Variants in TAF4B observed in about 807,000 individuals in gnomAD.
The protein encoded by TAF4B is transcription initiation factor TFIID subunit 4B.
In TAF4B, 38 loss-of-function variants were observed where a neutral mutation model predicts 86.4. The ratio of observed to expected loss-of-function variants is 0.44; its 90% CI spans 0.34 to 0.58. The LOEUF is 0.58. TAF4B is among the 20% of genes least tolerant of loss of function. The probability of loss-of-function intolerance (pLI) is 0.02; values close to 1 mark genes in which losing one functional copy is unlikely to be tolerated. For missense variants in TAF4B, 988 were observed against 1,027.6 expected (o/e 0.96, Z 0.53); for synonymous variants, 388 against 391.2 (o/e 0.99, Z 0.10).
intron 5 of TAF4B, among the ~76,000 whole-genome samples, chr18:26,279,405 G>A (rs1006373342): frequency 1.3e-5 from 2 of 151,970 alleles, no homozygotes; most frequent in African/African-American, 4.8e-5. Context: ...CATTAAAATA[G>A]CCATACTGCC....
chr18:26,275,114 G>T, intron 5 of TAF4B, 61 bp downstream of exon 5: 1 of 1,465,798 alleles, frequency 6.8e-7, no homozygotes. Context: ...GTTGTAATTG[G>T]GAAATGCATA....
chr18:26,242,806 T>C (rs376964141), intron 1 of TAF4B, among the ~76,000 whole-genome samples: 3,035 of 152,248 alleles, frequency 0.02, 41 homozygotes, highest in Non-Finnish European at 0.029. Flanking sequence ...TCAGCATTTG[T>C]TTGTCTGTAA....
chr18:26,232,177 T>C (rs2055681925), intron 1 of TAF4B, among the ~76,000 whole-genome samples: 1 of 152,192 alleles, frequency 6.6e-6, no homozygotes, highest in African/African-American at 2.4e-5. Flanking sequence ...TCTCCAAGTC[T>C]GCAGTCAACC....
At chr18:26,235,027 T>TATAC (rs1304280803) in intron 1 of TAF4B, among the ~76,000 whole-genome samples, 4 of 152,334 alleles carry the variant, frequency 2.6e-5, no homozygotes, top group Admixed American at 1.3e-4. Context: ...TACTTAGGTA[T>TATAC]GCCACTGGTT....
At chr18:26,256,005 T>C in intron 1 of TAF4B, 1 of 1,284,382 alleles carries the variant, frequency 7.8e-7, no homozygotes, top group Non-Finnish European at 1.1e-6. Flanking sequence ...GCATCAGAAT[T>C]ACGATGTTTA....
At chr18:26,309,688 T>G (rs1296394761) in intron 9 of TAF4B, among the ~76,000 whole-genome samples, 2 of 152,178 alleles carry the variant, frequency 1.3e-5, no homozygotes, top group African/African-American at 4.8e-5. Flanking sequence ...AATTTTTAGT[T>G]TCTGATGCAG....
At chr18:26,252,605 C>A (rs765907110) in intron 1 of TAF4B, among the ~76,000 whole-genome samples, 12 of 151,960 alleles carry the variant, frequency 7.9e-5, no homozygotes, top group Non-Finnish European at 1.5e-4. Context: ...GTGAATCATT[C>A]CTTTGTCCAG....
At chr18:26,292,475 T>C (rs1180047280) in intron 8 of TAF4B, 94 bp downstream of exon 8, 16 of 1,366,716 alleles carry the variant, frequency 1.2e-5, no homozygotes, top group Non-Finnish European at 1.6e-5. Flanking sequence ...AGAAGAGAGG[T>C]TTGGTCTTTT....
intron 14 of TAF4B, among the ~76,000 whole-genome samples, chr18:26,385,571 TC>T (rs1479958407): frequency 3.3e-5 from 5 of 151,728 alleles, no homozygotes; most frequent in African/African-American, 1.2e-4. Context: ...TTCATTTTCA[TC>T]CAGGTGAAGA....
intron 13 of TAF4B, among the ~76,000 whole-genome samples, chr18:26,342,938 A>G (rs187562535): frequency 2.6e-5 from 4 of 152,358 alleles, no homozygotes; most frequent in African/African-American, 9.6e-5. Flanking sequence ...AACAGAAACC[A>G]ATTGTCAGAA....
At chr18:26,329,442 T>A (rs2057034208) in intron 12 of TAF4B, among the ~76,000 whole-genome samples, 2 of 152,238 alleles carry the variant, frequency 1.3e-5, no homozygotes, top group African/African-American at 4.8e-5. Flanking sequence ...AACACTATCA[T>A]CTAATGCACA....
At chr18:26,271,902 G>C (rs1369985174) in intron 3 of TAF4B, among the ~76,000 whole-genome samples, 2 of 149,762 alleles carry the variant, frequency 1.3e-5, no homozygotes, top group Non-Finnish European at 3.0e-5. Flanking sequence ...ACTCCAGCCT[G>C]GTGGACAGAG....
intron 3 of TAF4B, among the ~76,000 whole-genome samples, chr18:26,272,476 T>A (rs1598745350): frequency 6.6e-6 from 1 of 152,110 alleles, no homozygotes; most frequent in Non-Finnish European, 1.5e-5. Flanking sequence ...AGGACAGATT[T>A]TTTTTTTACT....
intron 14 of TAF4B, among the ~76,000 whole-genome samples, chr18:26,372,142 A>G (rs1458260688): frequency 6.6e-6 from 1 of 152,196 alleles, no homozygotes; most frequent in African/African-American, 2.4e-5. Flanking sequence ...AGCGACTAAC[A>G]GTTCCCACAT....
intron 14 of TAF4B, among the ~76,000 whole-genome samples, chr18:26,359,998 G>A (rs1159660144): frequency 2.0e-5 from 3 of 151,986 alleles, no homozygotes; most frequent in South Asian, 2.1e-4. Flanking sequence ...GATTGCAGGT[G>A]TAAGCCACCT....
At position 26,227,213 on chromosome 18, in the gene TAF4B, G is replaced by A; in HGVS notation, c.280G>A (p.Val94Ile). The change falls in exon 1 of 15, where the codon GTC (valine) becomes ATC (isoleucine). Residue 94 changes from valine (V) to isoleucine (I), a missense_variant. Physicochemically the swap from Val to Ile is conservative, Grantham distance 29. Transcript: ENST00000269142. ...CCCTAGGCTGCCTGCTCCTCAGATA[G>A]TCGCCGTGAAAGCCCCCAACACCAC... ...SGPRLPAPQI[V>I]AVKAPNTTTI... is the part of the protein sequence containing the mutation. The A allele has an allele frequency of 1.2e-6, 2 of 1,613,964 alleles. No homozygotes were observed. The highest frequency in any genetic ancestry group is 1.1e-5 in the South Asian group (1 of 91,044).
intron 13 of TAF4B, among the ~76,000 whole-genome samples, chr18:26,339,414 C>G (rs578166703): frequency 1.4e-4 from 22 of 152,296 alleles, no homozygotes; most frequent in Admixed American, 1.4e-3. Context: ...CAGCTTTGAC[C>G]TCCTGGGCTC....
intron 1 of TAF4B, among the ~76,000 whole-genome samples, chr18:26,245,314 G>T (rs2055905890): frequency 1.3e-5 from 2 of 152,174 alleles, no homozygotes; most frequent in Non-Finnish European, 1.5e-5. Context: ...CTTCAAGAAT[G>T]AAGCTGCAGA....
chr18:26,315,150 C>CTCTCTCTG (rs2056894967), intron 9 of TAF4B, 79 bp from the exon 10 acceptor site: 24 of 454,744 alleles, frequency 5.3e-5, no homozygotes, highest in Non-Finnish European at 5.4e-5. Flanking sequence ...CTCTCTGTCT[C>CTCTCTCTG]TCTCTCTCTC....
Sources: allele counts gnomAD v4.1 joint callset (sites outside exome capture counted in the v4.1 genomes callset), GRCh38; gene constraint gnomAD v4.1.1; transcripts MANE v1.5; gene names NCBI Gene and HGNC (gene_info 2026-07-23, HGNC 2026-07-21).